MAGI2: variants seen among roughly 807,000 people sequenced by gnomAD.
MAGI2 encodes the protein membrane-associated guanylate kinase, WW and PDZ domain-containing protein 2.
MAGI2 carries 35 observed loss-of-function variants against 133.3 expected under a neutral mutation model. That is an observed-to-expected ratio of 0.26 (90% CI 0.20 to 0.35). The LOEUF is 0.35. MAGI2 is among the 10% of genes least tolerant of loss of function. The pLI, the probability that MAGI2 is intolerant of heterozygous loss-of-function variation, is 1.00. For missense variants in MAGI2, 1,636 were observed against 1,863.4 expected, an observed-to-expected ratio of 0.88 and a Z score of 2.25; for synonymous variants, 729 against 710.6, an observed-to-expected ratio of 1.03 and a Z score of -0.41.
intron 20 of MAGI2, among the ~76,000 whole-genome samples, chr7:78,101,129 C>T (rs1818175453): frequency 6.6e-6 from 1 of 152,122 alleles, no homozygotes; most frequent in African/African-American, 2.4e-5. Flanking sequence ...CCATACTGCC[C>T]AAATGATCAA....
At chr7:78,890,419 T>A (rs865943483) in intron 2 of MAGI2, among the ~76,000 whole-genome samples, 4 of 152,186 alleles carry the variant, frequency 2.6e-5, no homozygotes, top group African/African-American at 9.7e-5. Flanking sequence ...ATTAACAGAA[T>A]ATACATTCTT....
intron 2 of MAGI2, among the ~76,000 whole-genome samples, chr7:78,748,055 T>A (rs981104147): frequency 1.3e-5 from 2 of 152,110 alleles, no homozygotes; most frequent in Non-Finnish European, 2.9e-5. Flanking sequence ...TCTTTTAACA[T>A]CAGCTTTTAA....
intron 15 of MAGI2, among the ~76,000 whole-genome samples, chr7:78,163,794 C>A (rs1217107349): frequency 6.6e-6 from 1 of 150,908 alleles, no homozygotes; most frequent in African/African-American, 2.4e-5. Flanking sequence ...GTAGTCCCAG[C>A]TACTTGGGAG....
intron 21 of MAGI2, among the ~76,000 whole-genome samples, chr7:78,041,682 AAAAGC>A (rs1359489224): frequency 6.6e-6 from 1 of 152,196 alleles, no homozygotes; most frequent in Admixed American, 6.5e-5. Flanking sequence ...TTCAAAAACA[AAAAGC>A]AAAACAAAAC....
chr7:79,005,104 T>C (rs1807307563), intron 2 of MAGI2, among the ~76,000 whole-genome samples: 1 of 151,206 alleles, frequency 6.6e-6, no homozygotes, highest in Non-Finnish European at 1.5e-5. Flanking sequence ...AAAAAAAAGA[T>C]ATACTGAGTC....
intron 2 of MAGI2, among the ~76,000 whole-genome samples, chr7:78,772,725 T>C (rs1294543010): frequency 6.6e-6 from 1 of 152,168 alleles, no homozygotes; most frequent in Non-Finnish European, 1.5e-5. Context: ...TTAAAATAAA[T>C]TATATGCTAA....
At chr7:79,074,117 C>T (rs995225130) in intron 1 of MAGI2, among the ~76,000 whole-genome samples, 1 of 152,116 alleles carries the variant, frequency 6.6e-6, no homozygotes, top group African/African-American at 2.4e-5. Context: ...TATTTTATCT[C>T]GCTTGTCACT....
At position 78,486,952 on chromosome 7, in the gene MAGI2, C is replaced by T. The variant is rs543942574; in HGVS notation, c.1045+2809G>A. The T allele has an allele frequency of 7.1e-4, 373 of 525,260 alleles. 7 individuals are homozygous for T. The highest frequency in any genetic ancestry group is 4.6e-3 in the South Asian group (334 of 71,912). The allele number at this position is 525,260 out of a possible 1,614,324, so 32.5% of individuals were successfully genotyped here. A position where few individuals can be genotyped will look rare whatever the true frequency, so the allele number is the denominator to read the frequency against. Reference sequence around the variant, plus strand: ...CTAGCTCATTTCATGGCTCTGGGGCCGGGTCCATGGCTGGCAGTGGAAATC... The same window carrying T: ...CTAGCTCATTTCATGGCTCTGGGGCTGGGTCCATGGCTGGCAGTGGAAATC... On this transcript the variant is annotated intron_variant, in intron 6 of 21. Coordinates refer to ENST00000354212, the MANE Select transcript of MAGI2 (RefSeq NM_012301.4).
intron 1 of MAGI2, among the ~76,000 whole-genome samples, chr7:79,171,771 T>TATATATATATA (rs1554394312): frequency 4.2e-3 from 84 of 19,984 alleles, no homozygotes; most frequent in Middle Eastern, 0.071. Flanking sequence ...TATATATATA[T>TATATATATATA]TTTTTTTTTT....
At chr7:78,712,683 C>T (rs956813369) in intron 2 of MAGI2, among the ~76,000 whole-genome samples, 8 of 152,008 alleles carry the variant, frequency 5.3e-5, no homozygotes, top group Admixed American at 1.3e-4. Flanking sequence ...GCAATCATAT[C>T]GAATGACAAG....
intron 1 of MAGI2, among the ~76,000 whole-genome samples, chr7:79,365,402 T>G (rs1346900527): frequency 9.0e-6 from 1 of 110,878 alleles, no homozygotes; most frequent in East Asian, 2.6e-4. Flanking sequence ...ATAATTTATG[T>G]TCACACAAAA....
chr7:78,517,921 G>T (rs910046322), intron 4 of MAGI2: 23 of 151,736 alleles, frequency 1.5e-4, no homozygotes, highest in African/African-American at 5.3e-4. Context: ...TTTAAAGGTG[G>T]TCATTGAGTT....
chr7:78,721,087 T>C (rs1393981324), intron 2 of MAGI2, among the ~76,000 whole-genome samples: 1 of 151,990 alleles, frequency 6.6e-6, no homozygotes, highest in African/African-American at 2.4e-5. Flanking sequence ...TAGTAAGCAA[T>C]TATACCAGTG....
intron 7 of MAGI2, among the ~76,000 whole-genome samples, chr7:78,355,613 G>A (rs1054494546): frequency 3.3e-5 from 5 of 152,170 alleles, no homozygotes; most frequent in African/African-American, 7.2e-5. Context: ...GCCTAGCTCC[G>A]TGTACTGCCA....
chr7:79,369,699 A>G (rs1284467526), intron 1 of MAGI2, among the ~76,000 whole-genome samples: 8 of 152,196 alleles, frequency 5.3e-5, no homozygotes, highest in Non-Finnish European at 1.0e-4. Context: ...TTAGTGATGC[A>G]TGTAGAATAT....
intron 4 of MAGI2, among the ~76,000 whole-genome samples, chr7:78,517,461 C>T (rs776473360): frequency 3.3e-5 from 5 of 151,958 alleles, no homozygotes; most frequent in South Asian, 2.1e-4. Flanking sequence ...AATCTCAACT[C>T]GCCAGTAAAT....
Position 78,593,170 on chromosome 7 carries a change from A to G in MAGI2, c.538+33950T>C, listed in dbSNP as rs186063824. On this transcript the variant is annotated intron_variant, in intron 3 of 21. Transcript: ENST00000354212. ...TTTTAAAGCAATTAGATGAGGGCGG[A>G]TCACGAGGTCAGGAGATCGAGACCA... Among the ~76,000 whole-genome samples, 149 of 150,992 alleles carry G rather than the reference A, an allele frequency of 9.9e-4. 1 individual carries two copies. Among genetic ancestry groups the G allele is most frequent in the African/African-American group, 3.4e-3 (141 of 41,066 alleles).
chr7:78,919,968 G>A (rs892898969), intron 2 of MAGI2, among the ~76,000 whole-genome samples: 2 of 151,968 alleles, frequency 1.3e-5, no homozygotes, highest in Non-Finnish European at 2.9e-5. Flanking sequence ...TACTTAAGAG[G>A]GATCATATTT....
intron 2 of MAGI2, among the ~76,000 whole-genome samples, chr7:78,810,173 AT>A (rs201610200): frequency 6.3e-4 from 95 of 150,110 alleles, no homozygotes; most frequent in Middle Eastern, 3.5e-3. Context: ...TAAGTTATAG[AT>A]TTTTTTTTTA....
Sources: gnomAD v4.1 joint callset for allele counts (sites outside exome capture counted in the v4.1 genomes callset) on GRCh38, gnomAD v4.1.1 for gene constraint, MANE v1.5 for transcripts, NCBI Gene and HGNC (gene_info 2026-07-23, HGNC 2026-07-21) for gene names.